Variants in GAPVD1 observed in about 807,000 individuals in gnomAD.
The protein encoded by GAPVD1 is GTPase-activating protein and VPS9 domain-containing protein 1.
In GAPVD1, 35 loss-of-function variants were observed where a neutral mutation model predicts 155.5. The ratio of observed to expected loss-of-function variants is 0.23; its 90% confidence interval spans 0.17 to 0.30. The LOEUF (loss-of-function observed/expected upper bound fraction) is 0.30. Ranked by LOEUF, GAPVD1 falls within the 10% of genes least tolerant of loss-of-function variation. The pLI is 1.00. For missense variants in GAPVD1, 1,429 were observed against 1,775.7 expected (o/e 0.80, Z 3.51); for synonymous variants, 636 against 619.7 (o/e 1.03, Z -0.39).
chr9:125,348,557 G>A (rs1292846646), intron 20 of GAPVD1, among the ~76,000 whole-genome samples: 1 of 151,996 alleles, frequency 6.6e-6, no homozygotes, highest in Non-Finnish European at 1.5e-5. Flanking sequence ...TTGTTGCCCA[G>A]GTTGGAGTAC....
chr9:125,311,546 A>G (rs901239448), intron 8 of GAPVD1, among the ~76,000 whole-genome samples: 6 of 152,152 alleles, frequency 3.9e-5, no homozygotes, highest in African/African-American at 1.4e-4. Context: ...GCTTGAACCC[A>G]GGAGGCGGTG....
chr9:125,347,087 A>G lies in GAPVD1; in HGVS notation c.3169+146A>G, dbSNP rs1043751573. 2.0e-4 allele frequency: 146 copies of G among 743,388 alleles called. 2 individuals carry two copies. In the South Asian group the frequency reaches 2.6e-3, roughly 13 times the overall value. The allele number at this position is 743,388 out of a possible 1,614,324, so 46.0% of individuals were successfully genotyped here. ...TTACAGACTGCCTAAACAAATGTTT[A>G]AATTGATGTCCTTCTCTGGATTCTC... On this transcript the variant is annotated intron_variant, in intron 20 of 27. Coordinates refer to ENST00000297933, the MANE Select transcript of GAPVD1 (RefSeq NM_001282680.3).
At chr9:125,347,106 G>T in intron 20 of GAPVD1, 165 bp downstream of exon 20, 1 of 685,884 alleles carries the variant, frequency 1.5e-6, no homozygotes, top group Admixed American at 2.7e-5. Flanking sequence ...TCCTTCTCTG[G>T]ATTCTCCCAC....
chr9:125,274,820 A>G (rs1443499534), intron 2 of GAPVD1, among the ~76,000 whole-genome samples: 1 of 152,140 alleles, frequency 6.6e-6, no homozygotes, highest in Non-Finnish European at 1.5e-5. Flanking sequence ...CCTATGAAGT[A>G]GGTTCTGGTG....
chr9:125,299,243 CTT>C (rs2130785646), intron 4 of GAPVD1, 137 bp downstream of exon 4: 1 of 518,688 alleles, frequency 1.9e-6, no homozygotes, highest in African/African-American at 1.9e-5. Flanking sequence ...TAAGGTGAGT[CTT>C]TGCTTATAAT....
In GAPVD1 at chr9:125,298,041, C is replaced by T. The variant is rs138444322; in HGVS notation, c.-32-849C>T. On this transcript the variant is annotated intron_variant, in intron 3 of 27. Transcript: ENST00000297933. ...GATTACATGCGTGAGCCACCGCGCC[C>T]GGCTGTGATCTGACTTTTTAATTCA... 1.5e-3 allele frequency among the ~76,000 whole-genome samples: 231 copies of T among 152,028 alleles called. 3 individuals carry two copies. In the East Asian group the frequency reaches 0.037, roughly 24 times the overall value.
chr9:125,324,078 C>G (rs1014298345), intron 11 of GAPVD1, among the ~76,000 whole-genome samples, 155 bp downstream of exon 11: 2 of 152,080 alleles, frequency 1.3e-5, no homozygotes, highest in Non-Finnish European at 2.9e-5. Flanking sequence ...TCTTCAAAAT[C>G]TATTTAGTTG....
At position 125,361,306 on chromosome 9, in the gene GAPVD1, G is replaced by A. The variant is rs567882301; in HGVS notation, c.4242+581G>A. 3.9e-5 allele frequency among the ~76,000 whole-genome samples: 6 copies of A among 152,264 alleles called. No individual in the cohort carries two copies. The East Asian group carries it at 5.8e-4, about 15-fold the overall frequency. On this transcript the variant is annotated intron_variant, in intron 27 of 27. Coordinates refer to ENST00000297933, the MANE Select transcript of GAPVD1 (RefSeq NM_001282680.3). ...TGTAATCCCAGCACTTTGGGAGGCC[G>A]AGGAGGGTGGATCACGAGGTCAGGA... is the stretch of plus-strand genomic sequence containing the variant.
At chr9:125,356,771 A>C (rs1850140702) in intron 25 of GAPVD1, among the ~76,000 whole-genome samples, 1 of 152,146 alleles carries the variant, frequency 6.6e-6, no homozygotes. Context: ...TCCTGGGCTT[A>C]AGCGATTCTC....
intron 8 of GAPVD1, among the ~76,000 whole-genome samples, chr9:125,312,081 A>G (rs1461264596): frequency 6.6e-6 from 1 of 152,196 alleles, no homozygotes; most frequent in Admixed American, 6.5e-5. Flanking sequence ...ATCAATTTAT[A>G]GGAAAAATAG....
chr9:125,310,847 T>C (rs1375140603), intron 8 of GAPVD1, among the ~76,000 whole-genome samples: 1 of 148,778 alleles, frequency 6.7e-6, no homozygotes, highest in Admixed American at 6.8e-5. Context: ...CTTCTTCTTT[T>C]TTTTTTTTTT....
intron 1 of GAPVD1, among the ~76,000 whole-genome samples, chr9:125,268,646 C>T (rs1404571189): frequency 6.6e-6 from 1 of 151,986 alleles, no homozygotes; most frequent in Non-Finnish European, 1.5e-5. Flanking sequence ...ACCACAGGCA[C>T]ATGACACCAT....
chr9:125,335,382 T>G (rs1846745432), intron 15 of GAPVD1: 1 of 468,126 alleles, frequency 2.1e-6, no homozygotes, highest in African/African-American at 2.0e-5. Context: ...TTTTCTTTTT[T>G]TTTTTAAAAA....
intron 9 of GAPVD1, among the ~76,000 whole-genome samples, chr9:125,315,587 C>G (rs1843305152): frequency 6.6e-6 from 1 of 152,126 alleles, no homozygotes; most frequent in South Asian, 2.1e-4. Context: ...TTTGTTTTGC[C>G]TGCCTCTGAT....
At chr9:125,335,670 T>C (rs1846814746) in intron 15 of GAPVD1, among the ~76,000 whole-genome samples, 1 of 152,144 alleles carries the variant, frequency 6.6e-6, no homozygotes. Flanking sequence ...AGTGAGACTC[T>C]GTCTCAAAAA....
chr9:125,290,010 A>G (rs1041088114), intron 2 of GAPVD1, among the ~76,000 whole-genome samples: 3 of 152,182 alleles, frequency 2.0e-5, no homozygotes, highest in Non-Finnish European at 4.4e-5. Flanking sequence ...AAGAGGAGAG[A>G]GGTCAACCAT....
chr9:125,312,059 T>G (rs1408404246), intron 8 of GAPVD1, among the ~76,000 whole-genome samples: 1 of 152,208 alleles, frequency 6.6e-6, no homozygotes, highest in African/African-American at 2.4e-5. Flanking sequence ...ATGGGAGACC[T>G]GTAGCAGTTA....
chr9:125,358,666 T>C (rs148976275), intron 25 of GAPVD1, among the ~76,000 whole-genome samples: 209 of 152,348 alleles, frequency 1.4e-3, no homozygotes, highest in African/African-American at 4.9e-3. Context: ...CTCATTTGTT[T>C]ATGGTCTCAC....
At chr9:125,356,897 A>C (rs953287396) in intron 25 of GAPVD1, among the ~76,000 whole-genome samples, 1 of 152,014 alleles carries the variant, frequency 6.6e-6, no homozygotes, top group African/African-American at 2.4e-5. Flanking sequence ...CTGGTGTCGA[A>C]CTTCTGACCT....
Sources: allele counts gnomAD v4.1 joint callset (sites outside exome capture counted in the v4.1 genomes callset), GRCh38; gene constraint gnomAD v4.1.1; transcripts MANE v1.5; gene names NCBI Gene and HGNC (gene_info 2026-07-23, HGNC 2026-07-21).